Variants in DOCK8 observed in about 807,000 individuals in gnomAD.
DOCK8 encodes dedicator of cytokinesis protein 8.
DOCK8 carries 141 observed loss-of-function variants against 245.6 expected under a neutral mutation model. The observed-to-expected ratio is 0.57, with a 90% CI of 0.50 to 0.66. The LOEUF (loss-of-function observed/expected upper bound fraction) is 0.66. Among genes scored for constraint, DOCK8 ranks in the 30% least tolerant of loss-of-function variants. The pLI, the probability that DOCK8 is intolerant of heterozygous loss-of-function variation, is 0.00. For missense variants in DOCK8, 2,965 were observed against 2,603.4 expected (o/e 1.14, Z -3.02); for synonymous variants, 1,168 against 970.2 (o/e 1.20, Z -3.79).
intron 1 of DOCK8, among the ~76,000 whole-genome samples, chr9:258,978 A>T (rs1422487476): frequency 6.7e-6 from 1 of 149,482 alleles, no homozygotes; most frequent in East Asian, 2.0e-4. Flanking sequence ...AATCTATGGT[A>T]ACCACAGCAC....
chr9:339,124 C>T (rs766840559), intron 13 of DOCK8, 25 bp downstream of exon 13: 2 of 1,599,700 alleles, frequency 1.3e-6, no homozygotes, highest in East Asian at 4.5e-5. Context: ...TCTTTATCCT[C>T]TTTAGCTGTG....
At chr9:402,172 C>T (rs898153283) in intron 26 of DOCK8, among the ~76,000 whole-genome samples, 1 of 152,246 alleles carries the variant, frequency 6.6e-6, no homozygotes, top group Non-Finnish European at 1.5e-5. Context: ...TATCTGCCTT[C>T]CCTGCAAAAC....
At position 304,442 on chromosome 9, in the gene DOCK8, A is replaced by G. The variant is rs1453357614; in HGVS notation, c.405-139A>G. 1.4e-4 allele frequency: 152 copies of G among 1,124,918 alleles called. No homozygotes were observed. In the East Asian group the frequency reaches 3.6e-3, roughly 27 times the overall value. 69.7% of individuals were successfully genotyped at this position (1,124,918 alleles called of 1,614,324 possible). On this transcript the variant is annotated intron_variant, in intron 4 of 47. Transcript: ENST00000432829. ...TAGGCCTGGAGAATAATTAAATGTG[A>G]GGAATTATAATTGGTTCCCTCTTTG...
intron 1 of DOCK8, among the ~76,000 whole-genome samples, chr9:257,996 A>G (rs989936695): frequency 4.6e-5 from 7 of 152,200 alleles, no homozygotes; most frequent in Non-Finnish European, 8.8e-5. Context: ...ATACAACAAC[A>G]ATTACCTGAT....
chr9:461,900 C>T (rs1194953902), intron 46 of DOCK8, among the ~76,000 whole-genome samples: 1 of 151,628 alleles, frequency 6.6e-6, no homozygotes, highest in Admixed American at 6.6e-5. Context: ...TGAACTTTTC[C>T]TGGTCTCTTT....
intron 4 of DOCK8, among the ~76,000 whole-genome samples, chr9:300,496 T>C (rs1485282320): frequency 6.7e-6 from 1 of 149,496 alleles, no homozygotes; most frequent in East Asian, 2.0e-4. Flanking sequence ...ATAACCAAAA[T>C]CAGAGCTGAA....
intron 1 of DOCK8, among the ~76,000 whole-genome samples, chr9:258,850 G>C (rs1318711136): frequency 1.3e-5 from 2 of 152,032 alleles, no homozygotes; most frequent in African/African-American, 4.8e-5. Flanking sequence ...TGCCCGCCTT[G>C]GCCTCCCAAA....
chr9:337,182 A>T (rs1313587270), intron 12 of DOCK8, among the ~76,000 whole-genome samples: 1 of 152,156 alleles, frequency 6.6e-6, no homozygotes, highest in Non-Finnish European at 1.5e-5. Flanking sequence ...CACTGCCACC[A>T]TGGGGACCAA....
rs144325850 is a variant in DOCK8 at position 365,971 on chromosome 9, G to C, written c.1680-2047G>C. The C allele has an allele frequency of 4.1e-3, 990 of 241,814 alleles. 20 individuals carry two copies. The East Asian group carries it at 0.053, about 13-fold the overall frequency. The allele number at this position is 241,814 out of a possible 1,614,324, so 15.0% of individuals were successfully genotyped here. On this transcript the variant is annotated intron_variant, in intron 14 of 47. Transcript: ENST00000432829. ...GACCTGCATCAGGGTTTTGGGCTCT[G>C]CCTCTGTTTAGACAGAGCACGATTT...
intron 4 of DOCK8, among the ~76,000 whole-genome samples, chr9:302,993 AAG>A (rs1377253278): frequency 6.6e-6 from 1 of 151,822 alleles, no homozygotes; most frequent in Non-Finnish European, 1.5e-5. Context: ...GAAAAAAAAA[AAG>A]AAAAAGAAAA....
Position 439,331 on chromosome 9 carries a change from C to T in DOCK8, c.5166C>T (p.Tyr1722=), listed in dbSNP as rs748346954. 12 of 1,614,050 alleles carry T rather than the reference C, an allele frequency of 7.4e-6. No individual in the cohort carries two copies. In the African/African-American group the frequency reaches 1.6e-4, roughly 22 times the overall value. The change falls in exon 40 of 48, where the codon TAC becomes TAT. Residue 1722 remains tyrosine, a synonymous_variant. Coordinates refer to ENST00000432829, the MANE Select transcript of DOCK8 (RefSeq NM_203447.4). ...AGGATGGGGTGTGCGCAGGCCAGTACTTCACCGAGAGTGGCCTGGTAGGCC... is the reference window on the plus strand; with the variant it reads ...AGGATGGGGTGTGCGCAGGCCAGTATTTCACCGAGAGTGGCCTGGTAGGCC... ...PDEDGVCAGQ[Y]FTESGLVGLL...
At chr9:282,009 C>T (rs1240828097) in intron 2 of DOCK8, among the ~76,000 whole-genome samples, 3 of 152,176 alleles carry the variant, frequency 2.0e-5, no homozygotes, top group Non-Finnish European at 4.4e-5. Context: ...AGCTTCAGAC[C>T]TCGAGAGTTT....
intron 2 of DOCK8, among the ~76,000 whole-genome samples, chr9:286,253 C>G (rs766918210): frequency 9.9e-5 from 15 of 152,272 alleles, no homozygotes; most frequent in South Asian, 2.1e-4. Context: ...AATTACTCAT[C>G]ATGTTATGAC....
At chr9:345,572 G>C (rs758026032) in intron 14 of DOCK8, among the ~76,000 whole-genome samples, 1 of 152,170 alleles carries the variant, frequency 6.6e-6, no homozygotes, top group Non-Finnish European at 1.5e-5. Context: ...AATATTACTT[G>C]AGTTGAACTC....
chr9:434,770 A>C lies in DOCK8; in HGVS notation c.4887-13A>C, dbSNP rs551054824. ...CTGTCCTCAAAACTACTTCTCACTC[A>C]ATCTGTCTTCAGAATTGCCAAGAGT... is the stretch of plus-strand genomic sequence containing the variant. On this transcript the variant is annotated splice_polypyrimidine_tract_variant and intron_variant, in intron 38 of 47. Transcript: ENST00000432829. 1 of 1,613,806 alleles carries C rather than the reference A, an allele frequency of 6.2e-7. No individual in the cohort carries two copies. The highest frequency in any genetic ancestry group is 2.2e-5 in the East Asian group (1 of 44,890).
chr9:379,990 C>CCA, intron 21 of DOCK8, 55 bp downstream of exon 21: 1 of 1,576,248 alleles, frequency 6.3e-7, no homozygotes, highest in Non-Finnish European at 8.6e-7. Flanking sequence ...CACCTCCACC[C>CCA]CACTGCAGTG....
chr9:413,503 A>G (rs1409563748), intron 28 of DOCK8, among the ~76,000 whole-genome samples: 2 of 152,228 alleles, frequency 1.3e-5, no homozygotes, highest in African/African-American at 2.4e-5. Context: ...TTGCAAATCA[A>G]AAACCTAATA....
rs541491570 is a variant in DOCK8 at position 294,407 on chromosome 9, G to A, written c.404+4826G>A. Among the ~76,000 whole-genome samples, 20 of 152,274 alleles carry A rather than the reference G, an allele frequency of 1.3e-4. No individual in the cohort carries two copies. The South Asian group carries it at 2.7e-3, about 21-fold the overall frequency. On this transcript the variant is annotated intron_variant, in intron 4 of 47. Transcript: ENST00000432829. ...ATTACCAACTGGGCATTAAACTGGC[G>A]TGTTCCCATATTCTTGCCAGTGCTG...
intron 4 of DOCK8, among the ~76,000 whole-genome samples, chr9:302,451 A>G (rs1012535183): frequency 6.6e-6 from 1 of 152,252 alleles, no homozygotes; most frequent in African/African-American, 2.4e-5. Context: ...TAAAGAATTT[A>G]TGAATAAGTC....
Sources: allele counts gnomAD v4.1 joint callset (sites outside exome capture counted in the v4.1 genomes callset), GRCh38; gene constraint gnomAD v4.1.1; transcripts MANE v1.5; gene names NCBI Gene and HGNC (gene_info 2026-07-23, HGNC 2026-07-21).